ACOT12: variants seen among roughly 807,000 people sequenced by gnomAD.
ACOT12 encodes acyl-CoA thioesterase 12, also known as acetyl-coenzyme A thioesterase.
ACOT12 carries 51 observed loss-of-function variants against 67.7 expected under a neutral mutation model. The observed-to-expected ratio is 0.75, with a 90% CI of 0.60 to 0.95. ACOT12 has a LOEUF of 0.95. Ranked by LOEUF, ACOT12 falls within the 40% of genes least tolerant of loss-of-function variation. The probability of loss-of-function intolerance (pLI) is 0.00; values close to 1 mark genes in which losing one functional copy is unlikely to be tolerated. For missense variants in ACOT12, 734 were observed against 708.1 expected (o/e 1.04, Z -0.41); for synonymous variants, 251 against 244.6 (o/e 1.03, Z -0.24).
chr5:81,377,041 G>GA (rs1413320738), intron 2 of ACOT12, among the ~76,000 whole-genome samples: 4 of 152,160 alleles, frequency 2.6e-5, no homozygotes, highest in African/African-American at 4.8e-5. Context: ...AATAAAAAAA[G>GA]AAAATTTCAG....
rs1052387807 is a variant in ACOT12 at position 81,386,994 on chromosome 5, C to CTTTTTTTTTTTTTTTTTTTTTTTTTTTT, written c.128-1169_128-1168insAAAAAAAAAAAAAAAAAAAAAAAAAAAA. Among the ~76,000 whole-genome samples the CTTTTTTTTTTTTTTTTTTTTTTTTTTTT allele has an allele frequency of 3.9e-5, 5 of 128,476 alleles. 1 individual carries two copies. Among genetic ancestry groups the CTTTTTTTTTTTTTTTTTTTTTTTTTTTT allele is most frequent in the African/African-American group, 6.5e-5 (2 of 30,800 alleles). The allele number at this position is 128,476 out of a possible 152,430, so 84.3% of individuals were successfully genotyped here. A position where few individuals can be genotyped will look rare whatever the true frequency, so the allele number is the denominator to read the frequency against. On this transcript the variant is annotated intron_variant, in intron 1 of 14. Coordinates refer to ENST00000307624, the MANE Select transcript of ACOT12 (RefSeq NM_130767.3). ...TCCAGACACTGAGTTGGATGAGTTCCATTTTTTTTTTTTTTTTTTTTTTTC... is the reference window on the plus strand; with the variant it reads ...TCCAGACACTGAGTTGGATGAGTTCCTTTTTTTTTTTTTTTTTTTTTTTTTTTTATTTTTTTTTTTTTTTTTTTTTTTC...
chr5:81,325,558 C>CG (rs373282911), downstream of ACOT12, among the ~76,000 whole-genome samples: 2,333 of 152,068 alleles, frequency 0.015, 52 homozygotes, highest in African/African-American at 0.053. Context: ...GACAAGGAAA[C>CG]GGGGGGGCAT....
At chr5:81,366,537 C>G (rs1424280006) in intron 3 of ACOT12, among the ~76,000 whole-genome samples, 2 of 152,124 alleles carry the variant, frequency 1.3e-5, no homozygotes, top group African/African-American at 2.4e-5. Flanking sequence ...TCTATTGCCA[C>G]TACTCAACTC....
At chr5:81,316,722 T>C in the ACOT12 span, among the ~76,000 whole-genome samples, 1 of 152,250 alleles carries the variant, frequency 6.6e-6, no homozygotes, top group Non-Finnish European at 1.5e-5. Context: ...ACACTTGATT[T>C]TGTTTCTCCT....
At chr5:81,310,498 C>T in the ACOT12 span, among the ~76,000 whole-genome samples, 1 of 151,934 alleles carries the variant, frequency 6.6e-6, no homozygotes, top group Non-Finnish European at 1.5e-5. Flanking sequence ...GAAAATTCAG[C>T]CAGATTTGTA....
chr5:81,329,845 T>C (rs1194528489), downstream of ACOT12, among the ~76,000 whole-genome samples: 2 of 145,568 alleles, frequency 1.4e-5, no homozygotes, highest in African/African-American at 5.1e-5. Context: ...CACAAAGTTG[T>C]TCTTATTACT....
chr5:81,378,261 G>A (rs10942261), intron 2 of ACOT12, among the ~76,000 whole-genome samples: 13,211 of 152,158 alleles, frequency 0.087, 653 homozygotes, highest in Middle Eastern at 0.13. Context: ...AATAAATGGC[G>A]TTAGGAAAAC....
intron 5 of ACOT12, among the ~76,000 whole-genome samples, chr5:81,356,899 C>T (rs1274372137): frequency 6.6e-6 from 1 of 151,964 alleles, no homozygotes; most frequent in Non-Finnish European, 1.5e-5. Flanking sequence ...AAGTGCAAAC[C>T]CAGTCATGCC....
chr5:81,377,326 G>T (rs1268327175), intron 2 of ACOT12, among the ~76,000 whole-genome samples: 2 of 152,112 alleles, frequency 1.3e-5, no homozygotes, highest in African/African-American at 4.8e-5. Context: ...AACTGATATT[G>T]ATGGAACGTA....
At chr5:81,320,369 C>G in the ACOT12 span, among the ~76,000 whole-genome samples, 1 of 152,198 alleles carries the variant, frequency 6.6e-6, no homozygotes, top group East Asian at 1.9e-4. Context: ...GAGCTATACC[C>G]TCAACGTAAG....
downstream of ACOT12, among the ~76,000 whole-genome samples, chr5:81,327,980 G>T (rs1758713966): frequency 6.6e-6 from 1 of 152,104 alleles, no homozygotes; most frequent in Admixed American, 6.5e-5. Flanking sequence ...TTAAAGCCTG[G>T]ACATCAAAGA....
the ACOT12 span, among the ~76,000 whole-genome samples, chr5:81,315,902 T>C: frequency 6.6e-6 from 1 of 152,224 alleles, no homozygotes; most frequent in South Asian, 2.1e-4. Context: ...ATTTATCACC[T>C]TCTACCATAT....
At chr5:81,363,360 C>T (rs1386215689) in intron 4 of ACOT12, among the ~76,000 whole-genome samples, 2 of 152,162 alleles carry the variant, frequency 1.3e-5, no homozygotes, top group Non-Finnish European at 2.9e-5. Flanking sequence ...AGTTTTCCTT[C>T]AGGTATTAAC....
intron 4 of ACOT12, among the ~76,000 whole-genome samples, chr5:81,361,246 TC>T (rs995156435): frequency 6.6e-6 from 1 of 151,314 alleles, no homozygotes; most frequent in Non-Finnish European, 1.5e-5. Flanking sequence ...AGGGTCTCAC[TC>T]TGTTGCCCAG....
chr5:81,375,184 AT>A (rs1296846772), intron 2 of ACOT12, among the ~76,000 whole-genome samples: 3 of 152,244 alleles, frequency 2.0e-5, no homozygotes, highest in African/African-American at 7.2e-5. Flanking sequence ...GGCGGCCAAT[AT>A]TCAACATTCT....
At chr5:81,317,334 T>C in the ACOT12 span, among the ~76,000 whole-genome samples, 2 of 152,002 alleles carry the variant, frequency 1.3e-5, no homozygotes, top group Non-Finnish European at 2.9e-5. Context: ...AAACCCCGAC[T>C]CTACTAAAAA....
chr5:81,384,146 A>G (rs1163569223), intron 2 of ACOT12, among the ~76,000 whole-genome samples: 1 of 133,970 alleles, frequency 7.5e-6, no homozygotes, highest in Non-Finnish European at 1.5e-5. Flanking sequence ...TTGTAGATAG[A>G]GTCTTGCTCT....
chr5:81,338,147 T>A (rs1362617549), intron 11 of ACOT12, among the ~76,000 whole-genome samples: 1 of 152,196 alleles, frequency 6.6e-6, no homozygotes, highest in African/African-American at 2.4e-5. Context: ...AAAGGCCAGC[T>A]TTTGCTTAGT....
At chr5:81,314,818 T>TAA in the ACOT12 span, among the ~76,000 whole-genome samples, 46 of 151,944 alleles carry the variant, frequency 3.0e-4, no homozygotes, top group African/African-American at 1.1e-3. Context: ...CCTGAGACTT[T>TAA]AAAAAATTTT....
Sources: allele counts gnomAD v4.1 joint callset (sites outside exome capture counted in the v4.1 genomes callset), GRCh38; gene constraint gnomAD v4.1.1; transcripts MANE v1.5; gene names NCBI Gene and HGNC (gene_info 2026-07-23, HGNC 2026-07-21).